THSD7B: variants seen among roughly 807,000 people sequenced by gnomAD.
THSD7B encodes thrombospondin type 1 domain containing 7B.
Under a neutral mutation model 213.6 loss-of-function variants are expected in THSD7B, and 138 were observed. That is an observed-to-expected ratio of 0.65 (90% CI 0.56 to 0.74). The LOEUF is 0.74. THSD7B is among the 30% of genes least tolerant of loss of function. The pLI is 0.00. For missense variants in THSD7B, 1,931 were observed against 1,991.5 expected (o/e 0.97, Z 0.58); for synonymous variants, 742 against 687.0 (o/e 1.08, Z -1.25).
At chr2:137,627,356 C>T (rs1294640722) in intron 20 of THSD7B, among the ~76,000 whole-genome samples, 2 of 152,168 alleles carry the variant, frequency 1.3e-5, no homozygotes, top group African/African-American at 2.4e-5. Context: ...ACATCCAAAC[C>T]ATAGCAGGCA....
intron 12 of THSD7B, among the ~76,000 whole-genome samples, chr2:137,361,977 C>A (rs1436444840): frequency 6.6e-6 from 1 of 151,994 alleles, no homozygotes; most frequent in East Asian, 1.9e-4. Flanking sequence ...TAAGGGCAGC[C>A]AGAGACAAAG....
intron 1 of THSD7B, among the ~76,000 whole-genome samples, chr2:136,778,238 G>T (rs1274046477): frequency 6.6e-6 from 1 of 152,116 alleles, no homozygotes; most frequent in African/African-American, 2.4e-5. Flanking sequence ...ACATGGTCTA[G>T]ACTGGCATTC....
intron 15 of THSD7B, among the ~76,000 whole-genome samples, chr2:137,535,405 A>G (rs1680485856): frequency 6.6e-6 from 1 of 151,794 alleles, no homozygotes; most frequent in Non-Finnish European, 1.5e-5. Flanking sequence ...ATTGGATTAC[A>G]CGGAAATGGA....
At chr2:137,167,494 G>C (rs777158884) in intron 6 of THSD7B, among the ~76,000 whole-genome samples, 1 of 152,114 alleles carries the variant, frequency 6.6e-6, no homozygotes, top group African/African-American at 2.4e-5. Context: ...GATAGCTCAT[G>C]TGTACACTTC....
At chr2:137,511,890 C>A (rs1485304166) in intron 15 of THSD7B, among the ~76,000 whole-genome samples, 1 of 152,082 alleles carries the variant, frequency 6.6e-6, no homozygotes, top group African/African-American at 2.4e-5. Flanking sequence ...ATTTCTTATT[C>A]CTTTGCCACC....
In THSD7B at chr2:136,960,542, T is replaced by C. The variant is rs1345415114; in HGVS notation, c.139+78225T>C. ...TGTGGGAGGGGAATGCATTGAACTT[T>C]CCTGTGGGCTTTTTCAGCTTCACTT... On this transcript the variant is annotated intron_variant, in intron 2 of 27. Transcript: ENST00000409968. 3.3e-5 allele frequency among the ~76,000 whole-genome samples: 5 copies of C among 152,184 alleles called. No individual in the cohort carries two copies. The East Asian group carries it at 9.6e-4, about 29-fold the overall frequency.
At chr2:136,802,281 C>T (rs539048402) in intron 1 of THSD7B, among the ~76,000 whole-genome samples, 98 of 152,090 alleles carry the variant, frequency 6.4e-4, no homozygotes, top group African/African-American at 2.3e-3. Context: ...AATATAATCC[C>T]GTGGATCCTT....
At chr2:136,779,206 G>A (rs1359100447) in intron 1 of THSD7B, among the ~76,000 whole-genome samples, 3 of 121,104 alleles carry the variant, frequency 2.5e-5, no homozygotes, top group Non-Finnish European at 5.4e-5. Context: ...ATATGTGTGT[G>A]TGTGTGTGTG....
intron 1 of THSD7B, among the ~76,000 whole-genome samples, chr2:136,791,804 T>C (rs565777446): frequency 6.6e-6 from 1 of 152,218 alleles, no homozygotes; most frequent in South Asian, 2.1e-4. Context: ...AACATTTATA[T>C]GTTTCTGCTC....
intron 27 of THSD7B, among the ~76,000 whole-genome samples, chr2:137,672,327 C>T (rs1683595248): frequency 6.6e-6 from 1 of 152,186 alleles, no homozygotes; most frequent in Non-Finnish European, 1.5e-5. Flanking sequence ...ATGGTAGAAT[C>T]AACCCCAGGT....
intron 15 of THSD7B, among the ~76,000 whole-genome samples, chr2:137,559,074 C>T (rs1253517319): frequency 6.6e-6 from 1 of 152,142 alleles, no homozygotes; most frequent in East Asian, 1.9e-4. Flanking sequence ...AGGACACAAA[C>T]AAATGGAAGA....
At chr2:137,257,045 T>C (rs1432283411) in intron 10 of THSD7B, among the ~76,000 whole-genome samples, 1 of 152,096 alleles carries the variant, frequency 6.6e-6, no homozygotes, top group Non-Finnish European at 1.5e-5. Context: ...CTTAGGTCTT[T>C]CTTTGGCATC....
chr2:136,799,163 A>T (rs1468931609), intron 1 of THSD7B, among the ~76,000 whole-genome samples: 1 of 152,064 alleles, frequency 6.6e-6, no homozygotes, highest in Non-Finnish European at 1.5e-5. Context: ...TGAATAAGAA[A>T]AATGATTTAT....
intron 12 of THSD7B, among the ~76,000 whole-genome samples, chr2:137,335,572 A>C (rs929131670): frequency 1.2e-4 from 18 of 152,198 alleles, no homozygotes; most frequent in Admixed American, 1.2e-3. Flanking sequence ...AATCAGCAAC[A>C]GTTGGTGATA....
intron 12 of THSD7B, among the ~76,000 whole-genome samples, chr2:137,361,068 T>C (rs1361626697): frequency 6.6e-6 from 1 of 152,144 alleles, no homozygotes; most frequent in Non-Finnish European, 1.5e-5. Context: ...CAGACTCTGC[T>C]AGTGATACCC....
chr2:136,890,307 CTT>C (rs1683796892), intron 2 of THSD7B, among the ~76,000 whole-genome samples: 1 of 216 alleles, frequency 4.6e-3, no homozygotes, highest in Non-Finnish European at 0.015. Context: ...CCTACTCCTT[CTT>C]CTTCTTCTTC....
Position 136,961,857 on chromosome 2 carries a change from G to T in THSD7B, c.139+79540G>T, listed in dbSNP as rs1242283525. Among the ~76,000 whole-genome samples, 3 of 152,184 alleles carry T rather than the reference G, an allele frequency of 2.0e-5. No individual in the cohort carries two copies. The East Asian group carries it at 5.8e-4, about 29-fold the overall frequency. ...GACAGTAACTTTAAGAATATAAAAT[G>T]ATTTCTTAGATTTTGTAACATTTCA... On this transcript the variant is annotated intron_variant, in intron 2 of 27. Coordinates refer to ENST00000409968, the MANE Select transcript of THSD7B (RefSeq NM_001316349.2).
rs147235634 is a variant in THSD7B, at chr2:136,946,857, G to A, written c.139+64540G>A. 1.7e-3 allele frequency among the ~76,000 whole-genome samples: 264 copies of A among 152,280 alleles called. 4 individuals are homozygous for A. The East Asian group carries it at 0.046, about 26-fold the overall frequency. On this transcript the variant is annotated intron_variant, in intron 2 of 27. Coordinates refer to ENST00000409968, the MANE Select transcript of THSD7B (RefSeq NM_001316349.2). ...GGTTGCAAAAGTGCAGTATTTGAGC[G>A]GGAGTGTCTCATTTTTCCAGGTACA...
At chr2:137,387,532 A>G (rs902799817) in intron 12 of THSD7B, among the ~76,000 whole-genome samples, 1 of 152,182 alleles carries the variant, frequency 6.6e-6, no homozygotes, top group African/African-American at 2.4e-5. Context: ...CTCCCCTTAA[A>G]CAATTCATTA....
Sources: allele counts gnomAD v4.1 joint callset (sites outside exome capture counted in the v4.1 genomes callset), GRCh38; gene constraint gnomAD v4.1.1; transcripts MANE v1.5; gene names NCBI Gene and HGNC (gene_info 2026-07-23, HGNC 2026-07-21).